The following WNK2 variants were observed in gnomAD, a reference collection of about 807,000 sequenced individuals.
WNK2 encodes the protein WNK lysine deficient protein kinase 2, also known as serine/threonine-protein kinase WNK2.
A neutral mutation model predicts 192.1 loss-of-function variants in WNK2; 67 were observed. That is an observed-to-expected ratio of 0.35 (90% CI 0.29 to 0.43). The LOEUF is 0.43. Among genes scored for constraint, WNK2 ranks in the 20% least tolerant of loss-of-function variants. The pLI, the probability that WNK2 is intolerant of heterozygous loss-of-function variation, is 1.00. For synonymous variants in WNK2, 1,439 were observed against 1,393.9 expected, an observed-to-expected ratio of 1.03 and a Z score of -0.72; for missense variants, 2,698 against 3,089.7, an observed-to-expected ratio of 0.87 and a Z score of 3.01.
At chr9:93,228,317 C>T (rs1838163514) in intron 2 of WNK2, among the ~76,000 whole-genome samples, 1 of 152,188 alleles carries the variant, frequency 6.6e-6, no homozygotes, top group East Asian at 1.9e-4. Context: ...CCGCCTGCTT[C>T]TCCTCTCTGC....
In WNK2 at chr9:93,289,384, T is replaced by C. The variant is rs543751901; in HGVS notation, c.4630T>C (p.Phe1544Leu). Residue 1544 changes from phenylalanine (F) to leucine (L), a missense_variant, in exon 20 of 30, where the codon TTT (phenylalanine) becomes CTT (leucine). By Grantham distance (22) the Phe-to-Leu change is conservative. Around this residue, in one of 7 missense-constraint regions of WNK2, gnomAD observed 1,098 missense variants for 1,101.0 expected, o/e 1.00. Transcript: ENST00000427277. Reference sequence around the variant, plus strand: ...GGAAGGGCCGCCCCCCAGGGTGGGCTTTGTGGACAGCACCATCAAGAGCCT... The same window carrying C: ...GGAAGGGCCGCCCCCCAGGGTGGGCCTTGTGGACAGCACCATCAAGAGCCT... ...DGEGPPPRVG[F>L]VDSTIKSLDE... 2.5e-6 allele frequency: 4 copies of C among 1,612,568 alleles called. No homozygotes were observed. Among genetic ancestry groups the C allele is most frequent in the East Asian group, 2.2e-5 (1 of 44,860 alleles).
At chr9:93,235,392 T>C (rs543658327) in intron 5 of WNK2, among the ~76,000 whole-genome samples, 22 of 152,362 alleles carry the variant, frequency 1.4e-4, no homozygotes, top group African/African-American at 5.3e-4. Context: ...TTTGAAACAA[T>C]GGTTTGATTT....
chr9:93,218,757 T>G (rs982584561), intron 2 of WNK2, among the ~76,000 whole-genome samples: 16 of 152,168 alleles, frequency 1.1e-4, no homozygotes, highest in Admixed American at 9.2e-4. Flanking sequence ...GTTGGGGGTG[T>G]GTGTCTGGGT....
chr9:93,289,413 C>G lies in WNK2; in HGVS notation c.4659C>G (p.Asp1553Glu), dbSNP rs116858127. 3 of 1,612,934 alleles carry G rather than the reference C, an allele frequency of 1.9e-6. No homozygotes were observed. Among genetic ancestry groups the G allele is most frequent in the East Asian group, 4.5e-5 (2 of 44,868 alleles). The change falls in exon 20 of 30, where the codon GAC (aspartate) becomes GAG (glutamate). Residue 1553 changes from aspartate to glutamate, a missense_variant. Asp to Glu is a conservative substitution (Grantham distance 45). This residue lies in a region of WNK2 where 1,098 missense variants were observed against 1,101.0 expected (regional missense o/e 1.00). Coordinates refer to ENST00000427277, the MANE Select transcript of WNK2 (RefSeq NM_006648.4). ...GFVDSTIKSL[D>E]EKLRTLLYQE... Reference sequence around the variant, plus strand: ...TGGACAGCACCATCAAGAGCCTGGACGAGAAGCTGCGGACTCTGCTCTACC... The same window carrying G: ...TGGACAGCACCATCAAGAGCCTGGAGGAGAAGCTGCGGACTCTGCTCTACC...
intron 19 of WNK2, among the ~76,000 whole-genome samples, chr9:93,283,795 G>C (rs1848066495): frequency 6.6e-6 from 1 of 152,214 alleles, no homozygotes. Context: ...TGGCTGGAAT[G>C]TACACTGACT....
chr9:93,307,036 G>A (rs1187938323), intron 27 of WNK2: 2 of 612,234 alleles, frequency 3.3e-6, no homozygotes, highest in Non-Finnish European at 2.9e-6. Flanking sequence ...CCTAGAGTTT[G>A]TGCGGTCTCG....
chr9:93,282,485 G>T (rs1353672880), intron 19 of WNK2, among the ~76,000 whole-genome samples: 7 of 146,724 alleles, frequency 4.8e-5, no homozygotes, highest in Non-Finnish European at 1.1e-4. Context: ...ACAGAACAAA[G>T]ACATAAGATT....
At position 93,237,828 on chromosome 9, in the gene WNK2, A is replaced by AG. The variant is rs530394893; in HGVS notation, c.1234-401dup. 2.7e-5 allele frequency among the ~76,000 whole-genome samples: 4 copies of AG among 150,232 alleles called. No homozygotes were observed. In the East Asian group the frequency reaches 7.8e-4, roughly 29 times the overall value. On this transcript the variant is annotated intron_variant, in intron 5 of 29. Transcript: ENST00000427277. Reference sequence around the variant, plus strand: ...TGGTCTGGTCCTCAGCAAAGGCTGGAGGGGACCAAGGTGCAGATACTTGGG... The same window carrying AG: ...TGGTCTGGTCCTCAGCAAAGGCTGGAGGGGGACCAAGGTGCAGATACTTGGG...
Position 93,259,231 on chromosome 9 carries a change from G to A in WNK2, c.2683G>A (p.Ala895Thr). ...GCTGGCCGTAGCCCCACCGGGCGTG[G>A]CTGCCCTGTCCATTCATTCTGCCGT... Reference protein sequence around the residue: ...PLLAVAPPGVAALSIHSAVAQ... With the variant: ...PLLAVAPPGVTALSIHSAVAQ... Residue 895 changes from alanine to threonine, a missense_variant, in exon 12 of 30, where the codon GCT becomes ACT. By Grantham distance (58) the Ala-to-Thr change is moderately conservative. Around this residue, in one of 7 missense-constraint regions of WNK2, gnomAD observed 893 missense variants for 909.0 expected, o/e 0.98. Coordinates refer to ENST00000427277, the MANE Select transcript of WNK2 (RefSeq NM_006648.4). This position sits in a 1 kb window ranked among gnomAD's most constrained non-coding sequence, Gnocchi z 4.8. 1 of 1,613,238 alleles carries A rather than the reference G, an allele frequency of 6.2e-7. No individual in the cohort carries two copies. The highest frequency in any genetic ancestry group is 8.5e-7 in the Non-Finnish European group (1 of 1,179,774).
intron 29 of WNK2, 138 bp downstream of exon 29, chr9:93,317,769 A>AC (rs1188164185): frequency 2.1e-6 from 3 of 1,461,836 alleles, no homozygotes; most frequent in Admixed American, 2.2e-5. Flanking sequence ...CAGCTGGAAC[A>AC]CCCCCCAGGT....
intron 2 of WNK2, among the ~76,000 whole-genome samples, chr9:93,199,011 A>C (rs1831835948): frequency 6.6e-6 from 1 of 152,170 alleles, no homozygotes; most frequent in African/African-American, 2.4e-5. Flanking sequence ...AGGCCTGCTC[A>C]GTCCCAGCCT....
chr9:93,196,328 A>G (rs1160985190), intron 2 of WNK2, among the ~76,000 whole-genome samples: 1 of 152,040 alleles, frequency 6.6e-6, no homozygotes, highest in African/African-American at 2.4e-5. Flanking sequence ...CGACTGTGGG[A>G]AGCAATGCTG....
At chr9:93,194,981 T>C (rs540635769) in intron 2 of WNK2, among the ~76,000 whole-genome samples, 1 of 149,776 alleles carries the variant, frequency 6.7e-6, no homozygotes, top group East Asian at 2.0e-4. Context: ...TGATTCCAAC[T>C]AGATGACATT....
At chr9:93,280,482 G>A (rs1046765817) in intron 19 of WNK2, among the ~76,000 whole-genome samples, 2 of 152,168 alleles carry the variant, frequency 1.3e-5, no homozygotes, top group Non-Finnish European at 2.9e-5. Flanking sequence ...GATACCATGT[G>A]ATCCACCCAT....
At chr9:93,268,577 C>T (rs1244768694) in intron 18 of WNK2, 50 bp from the exon 19 acceptor site, 3 of 1,571,900 alleles carry the variant, frequency 1.9e-6, no homozygotes, top group Non-Finnish European at 2.6e-6. Context: ...TCACACTGGC[C>T]TGGAAAGGCG....
At chr9:93,309,444 T>C (rs112007299) in intron 28 of WNK2, among the ~76,000 whole-genome samples, 1,563 of 152,338 alleles carry the variant, frequency 0.01, 20 homozygotes, top group Admixed American at 0.012. Flanking sequence ...TTTGTTAAAT[T>C]CTGCCTTTCT....
At chr9:93,312,783 C>T (rs770623396) in intron 28 of WNK2, among the ~76,000 whole-genome samples, 2 of 152,198 alleles carry the variant, frequency 1.3e-5, no homozygotes, top group African/African-American at 2.4e-5. Flanking sequence ...TGGAGAGTCA[C>T]TGCAGCATAA....
chr9:93,235,060 T>A, intron 5 of WNK2, 95 bp downstream of exon 5: 1 of 1,466,922 alleles, frequency 6.8e-7, no homozygotes, highest in African/African-American at 1.4e-5. Context: ...AAAGCCATCC[T>A]GGCAGCTGTG....
At chr9:93,196,041 A>C (rs1831219390) in intron 2 of WNK2, among the ~76,000 whole-genome samples, 1 of 152,076 alleles carries the variant, frequency 6.6e-6, no homozygotes, top group South Asian at 2.1e-4. Flanking sequence ...CTGTTGAGGA[A>C]CTTCTCAGAG....
Sources: allele counts gnomAD v4.1 joint callset (sites outside exome capture counted in the v4.1 genomes callset), GRCh38; gene constraint gnomAD v4.1.1; regional missense constraint gnomAD v4.1.1; non-coding constraint Gnocchi (gnomAD v3.1); transcripts MANE v1.5; gene names NCBI Gene and HGNC (gene_info 2026-07-23, HGNC 2026-07-21).